Variants in TG observed in about 807,000 individuals in gnomAD.
The protein encoded by TG is thyroglobulin, also known as thyroid hormones.
A neutral mutation model predicts 324.7 loss-of-function variants in TG; 270 were observed. The ratio of observed to expected loss-of-function variants is 0.83; its 90% CI spans 0.75 to 0.92. The LOEUF (loss-of-function observed/expected upper bound fraction) is 0.92, where lower values mean the gene tolerates loss of function less well. Ranked by LOEUF, TG falls within the 40% of genes least tolerant of loss-of-function variation. TG has a pLI of 0.00. For synonymous variants in TG, 1,401 were observed against 1,327.0 expected, an observed-to-expected ratio of 1.06 and a Z score of -1.21; for missense variants, 3,591 against 3,456.4, an observed-to-expected ratio of 1.04 and a Z score of -0.98.
chr8:132,914,901 C>T (rs1429015129), intron 20 of TG, among the ~76,000 whole-genome samples: 1 of 152,132 alleles, frequency 6.6e-6, no homozygotes, highest in African/African-American at 2.4e-5. Context: ...CTGTGAAGAG[C>T]CCTTGGCTTC....
intron 11 of TG, among the ~76,000 whole-genome samples, chr8:132,894,726 G>A (rs1000745100): frequency 4.6e-5 from 7 of 152,190 alleles, no homozygotes; most frequent in Admixed American, 2.0e-4. Context: ...CTCCCAAAGT[G>A]CCAGGATTAC....
intron 22 of TG, among the ~76,000 whole-genome samples, chr8:132,924,833 G>A (rs1295741831): frequency 1.3e-5 from 2 of 152,202 alleles, no homozygotes; most frequent in Non-Finnish European, 2.9e-5. Flanking sequence ...CCTACCAGCG[G>A]TAGTAAATGT....
In TG at chr8:132,919,394, G is replaced by A; in HGVS notation, c.4397G>A (p.Ser1466Asn). ...TTTCTAGTTAAGTGTCCTGAAGGAA[G>A]CTATTCCCAAGATGAGGAATGCATT... ...GLGCVKCPEGSYSQDEECIPC... is the reference protein window; with the variant it reads ...GLGCVKCPEGNYSQDEECIPC... Residue 1466 changes from serine (S) to asparagine (N), a missense_variant, in exon 21 of 48, where the codon AGC becomes AAC. Transcript: ENST00000220616. 1 of 1,614,084 alleles carries A rather than the reference G, an allele frequency of 6.2e-7. No individual in the cohort carries two copies. Among genetic ancestry groups the A allele is most frequent in the Non-Finnish European group, 8.5e-7 (1 of 1,180,010 alleles).
At chr8:133,094,169 C>T (rs1848037897) in intron 41 of TG, among the ~76,000 whole-genome samples, 2 of 152,104 alleles carry the variant, frequency 1.3e-5, no homozygotes, top group African/African-American at 4.8e-5. Context: ...TACCAAAAGT[C>T]CGGGCAGAGA....
Position 132,951,634 on chromosome 8 carries a change from T to A in TG, c.5401+2691T>A, listed in dbSNP as rs537287954. Among the ~76,000 whole-genome samples, 16 of 152,192 alleles carry A rather than the reference T, an allele frequency of 1.1e-4. No individual in the cohort carries two copies. In the East Asian group the frequency reaches 3.1e-3, roughly 29 times the overall value. ...GTGCCCTATATGTGTGTGTGTATTG[T>A]GGGTGAGGGCAAGGCTTTAAGAAGT... is the stretch of plus-strand genomic sequence containing the variant. On this transcript the variant is annotated intron_variant, in intron 27 of 47. Transcript: ENST00000220616.
At chr8:132,990,381 G>A (rs1158597283) in intron 35 of TG, among the ~76,000 whole-genome samples, 2 of 151,868 alleles carry the variant, frequency 1.3e-5, no homozygotes, top group Non-Finnish European at 2.9e-5. Context: ...ATCATACCAG[G>A]GCAATCAGCA....
At chr8:132,942,253 G>A (rs1268544581) in intron 26 of TG, among the ~76,000 whole-genome samples, 1 of 152,192 alleles carries the variant, frequency 6.6e-6, no homozygotes, top group Non-Finnish European at 1.5e-5. Flanking sequence ...ATAAAATAGA[G>A]ATAATGATAC....
At chr8:133,000,642 G>A (rs1467057050) in intron 35 of TG, among the ~76,000 whole-genome samples, 1 of 152,116 alleles carries the variant, frequency 6.6e-6, no homozygotes, top group East Asian at 1.9e-4. Context: ...ACAACACACG[G>A]AGCACATCAC....
chr8:133,008,772 A>G (rs906043696), intron 35 of TG, among the ~76,000 whole-genome samples: 1 of 152,358 alleles, frequency 6.6e-6, no homozygotes, highest in African/African-American at 2.4e-5. Flanking sequence ...CTTGTCTGTA[A>G]ACTTGGACAG....
At chr8:132,901,657 A>T in intron 16 of TG, 104 bp downstream of exon 16, 1 of 1,283,658 alleles carries the variant, frequency 7.8e-7, no homozygotes, top group Non-Finnish European at 1.1e-6. Context: ...GTGGGAGGGG[A>T]GGCAGGAAGT....
intron 45 of TG, among the ~76,000 whole-genome samples, chr8:133,131,461 C>A (rs1057076503): frequency 6.6e-6 from 1 of 152,216 alleles, no homozygotes; most frequent in Admixed American, 6.5e-5. Flanking sequence ...TTTTCAGTGA[C>A]TAGAAGAACA....
chr8:132,872,409 T>C (rs1393736245), intron 4 of TG, among the ~76,000 whole-genome samples: 1 of 129,356 alleles, frequency 7.7e-6, no homozygotes, highest in East Asian at 2.2e-4. Flanking sequence ...ACCCGGGAGG[T>C]GGAGCTTGCA....
At chr8:132,980,472 G>A (rs150729363) in intron 34 of TG, among the ~76,000 whole-genome samples, 1 of 152,034 alleles carries the variant, frequency 6.6e-6, no homozygotes, top group Non-Finnish European at 1.5e-5. Flanking sequence ...CGGCCCTCTT[G>A]TCCTATGCAC....
At chr8:133,072,292 T>TC (rs1395079616) in intron 41 of TG, among the ~76,000 whole-genome samples, 1 of 152,194 alleles carries the variant, frequency 6.6e-6, no homozygotes, top group African/African-American at 2.4e-5. Flanking sequence ...AATTGCCTCC[T>TC]CCCTTAGCGG....
chr8:132,949,215 T>A (rs964431033), intron 27 of TG, among the ~76,000 whole-genome samples: 2 of 152,208 alleles, frequency 1.3e-5, no homozygotes, highest in Non-Finnish European at 2.9e-5. Flanking sequence ...ATCTTGGGGT[T>A]AGCTGGCAAT....
chr8:133,034,567 T>A (rs962992612), intron 41 of TG, among the ~76,000 whole-genome samples: 5 of 152,218 alleles, frequency 3.3e-5, no homozygotes, highest in Non-Finnish European at 7.3e-5. Flanking sequence ...CGGGTTTATT[T>A]CTATACCTAT....
At chr8:132,980,401 G>A (rs1336959761) in intron 34 of TG, among the ~76,000 whole-genome samples, 1 of 152,088 alleles carries the variant, frequency 6.6e-6, no homozygotes, top group Non-Finnish European at 1.5e-5. Flanking sequence ...CTTCTGAGTT[G>A]GTGAACACAC....
intron 41 of TG, chr8:133,049,561 A>C: frequency 3.2e-6 from 1 of 310,996 alleles, no homozygotes; most frequent in South Asian, 3.6e-5. Flanking sequence ...TGACAGAGGC[A>C]GGATTTGAAC....
At chr8:133,091,313 C>A (rs1847481671) in intron 41 of TG, among the ~76,000 whole-genome samples, 1 of 152,200 alleles carries the variant, frequency 6.6e-6, no homozygotes, top group Non-Finnish European at 1.5e-5. Flanking sequence ...GAGGTAGACA[C>A]CACTGTAGAT....
Sources: gnomAD v4.1 joint callset for allele counts (sites outside exome capture counted in the v4.1 genomes callset) on GRCh38, gnomAD v4.1.1 for gene constraint, MANE v1.5 for transcripts, NCBI Gene and HGNC (gene_info 2026-07-23, HGNC 2026-07-21) for gene names.